Variants in FAM120A observed in about 807,000 individuals in gnomAD.
The protein encoded by FAM120A is family with sequence similarity 120 member A.
A neutral mutation model predicts 109.7 loss-of-function variants in FAM120A; 15 were observed. That is an observed-to-expected ratio of 0.14 (90% CI 0.09 to 0.21). The LOEUF is 0.21. Ranked by LOEUF, FAM120A falls within the 10% of genes least tolerant of loss-of-function variation. The pLI, the probability that FAM120A is intolerant of heterozygous loss-of-function variation, is 1.00. For synonymous variants in FAM120A, 493 were observed against 572.8 expected (o/e 0.86, Z 1.99); for missense variants, 899 against 1,439.3 (o/e 0.62, Z 6.07).
chr9:93,519,495 G>A (rs1415344484), intron 7 of FAM120A, among the ~76,000 whole-genome samples: 1 of 151,890 alleles, frequency 6.6e-6, no homozygotes. Flanking sequence ...CCCCCACCTC[G>A]GCCTCCCAAA....
rs144592144 is a variant in FAM120A at position 93,519,966 on chromosome 9, C to G, written c.1418+3697C>G. Among the ~76,000 whole-genome samples the G allele has an allele frequency of 2.6e-3, 394 of 152,184 alleles. 1 individual carries two copies. The highest frequency in any genetic ancestry group is 8.7e-3 in the African/African-American group (361 of 41,516). Reference sequence around the variant, plus strand: ...TCATAACTCACTGTAGCCTCAAACTCCTGGGCTCAGGTGATCCTCACACCT... The same window carrying G: ...TCATAACTCACTGTAGCCTCAAACTGCTGGGCTCAGGTGATCCTCACACCT... On this transcript the variant is annotated intron_variant, in intron 7 of 17. Transcript: ENST00000277165.
At chr9:93,530,259 C>T (rs1861276100) in intron 9 of FAM120A, 1 of 152,366 alleles carries the variant, frequency 6.6e-6, no homozygotes, top group African/African-American at 2.4e-5. Context: ...TAAATTTCCT[C>T]AGTGATTTGT....
intron 3 of FAM120A, 105 bp from the exon 4 acceptor site, chr9:93,497,366 G>T: frequency 7.0e-7 from 1 of 1,434,594 alleles, no homozygotes; most frequent in Non-Finnish European, 9.6e-7. Flanking sequence ...GCACTGATAA[G>T]ATCTTAGATG....
chr9:93,541,933 A>G (rs1457436392), intron 10 of FAM120A, among the ~76,000 whole-genome samples: 2 of 152,112 alleles, frequency 1.3e-5, no homozygotes, highest in African/African-American at 2.4e-5. Flanking sequence ...GGTGTTTTTC[A>G]TGACATTTTA....
At chr9:93,562,519 G>C (rs1215653562) in intron 17 of FAM120A, among the ~76,000 whole-genome samples, 1 of 152,158 alleles carries the variant, frequency 6.6e-6, no homozygotes, top group African/African-American at 2.4e-5. Context: ...TCTTCAGGTT[G>C]TCTCTCCCCT....
In FAM120A at chr9:93,484,451, A is replaced by G. The variant is rs77238362; in HGVS notation, c.804+8113A>G. Among the ~76,000 whole-genome samples the G allele has an allele frequency of 4.5e-4, 68 of 152,324 alleles. 1 individual carries two copies. In the East Asian group the frequency reaches 0.012, roughly 27 times the overall value. ...GGCCAGCAAGGGAAAGACAAGACAC[A>G]GTCTGAGTGGGATCTGAAAGATACC... is the stretch of plus-strand genomic sequence containing the variant. On this transcript the variant is annotated intron_variant, in intron 3 of 17. Transcript: ENST00000277165.
chr9:93,507,002 A>G (rs922697668), intron 5 of FAM120A, among the ~76,000 whole-genome samples: 1 of 152,172 alleles, frequency 6.6e-6, no homozygotes, highest in Non-Finnish European at 1.5e-5. Flanking sequence ...CCTTAGCATT[A>G]TCTCCTCTAC....
In FAM120A at chr9:93,529,616, T is replaced by C. The variant is rs778400250; in HGVS notation, c.1734+36T>C. On this transcript the variant is annotated intron_variant, in intron 9 of 17. Transcript: ENST00000277165. ...AGGGGCCCTGGAGTGGCTTCTGTTATTTGATGAGTGGCCATTCCTATGGGT... is the reference window on the plus strand; with the variant it reads ...AGGGGCCCTGGAGTGGCTTCTGTTACTTGATGAGTGGCCATTCCTATGGGT... The C allele has an allele frequency of 3.2e-6, 5 of 1,578,100 alleles. No individual in the cohort carries two copies. The Admixed American group carries it at 8.4e-5, about 26-fold the overall frequency.
chr9:93,479,199 T>C lies in FAM120A; in HGVS notation c.804+2861T>C, dbSNP rs911060789. Among the ~76,000 whole-genome samples, 4 of 147,280 alleles carry C rather than the reference T, an allele frequency of 2.7e-5. No individual in the cohort carries two copies. In the East Asian group the frequency reaches 6.2e-4, roughly 23 times the overall value. ...CTGCAAGCTCCGCCTCCCGGTTTCA[T>C]GCCATTCTCCTGCCTCAGCCTCCCA... On this transcript the variant is annotated intron_variant, in intron 3 of 17. Coordinates refer to ENST00000277165, the MANE Select transcript of FAM120A (RefSeq NM_014612.5).
At chr9:93,488,779 T>C (rs4743923) in intron 3 of FAM120A, among the ~76,000 whole-genome samples, 43,664 of 151,972 alleles carry the variant, frequency 0.29, 7,464 homozygotes, top group East Asian at 0.4. Flanking sequence ...TTTGATATTT[T>C]CTGAATTGCC....
intron 1 of FAM120A, among the ~76,000 whole-genome samples, chr9:93,467,566 T>G (rs1328331268): frequency 6.6e-6 from 1 of 152,056 alleles, no homozygotes; most frequent in African/African-American, 2.4e-5. Context: ...ATAGGAAAGA[T>G]GGACTGAGGC....
At chr9:93,557,121 G>A (rs1172279311) in intron 13 of FAM120A, among the ~76,000 whole-genome samples, 1 of 124,082 alleles carries the variant, frequency 8.1e-6, no homozygotes, top group Admixed American at 8.5e-5. Context: ...TTGTTTGTTT[G>A]TTTTGGTTTT....
At position 93,527,337 on chromosome 9, in the gene FAM120A, C is replaced by G. The variant is rs533317805; in HGVS notation, c.1506+95C>G. On this transcript the variant is annotated intron_variant, in intron 8 of 17. Coordinates refer to ENST00000277165, the MANE Select transcript of FAM120A (RefSeq NM_014612.5). ...AAATAGTGAAAAATAATATCTCTCT[C>G]TTTTAATCGGGTCATGTAAACCTTT... is the stretch of plus-strand genomic sequence containing the variant. The G allele has an allele frequency of 3.6e-5, 33 of 908,712 alleles. No homozygotes were observed. The East Asian group carries it at 8.4e-4, about 23-fold the overall frequency. The allele number at this position is 908,712 out of a possible 1,614,324, so 56.3% of individuals were successfully genotyped here.
At chr9:93,478,737 A>G (rs1355624590) in intron 3 of FAM120A, among the ~76,000 whole-genome samples, 1 of 152,168 alleles carries the variant, frequency 6.6e-6, no homozygotes, top group Admixed American at 6.5e-5. Flanking sequence ...TGGCCTCCCA[A>G]AGTGCTGGGA....
intron 7 of FAM120A, among the ~76,000 whole-genome samples, chr9:93,525,357 C>T (rs183801247): frequency 6.6e-6 from 1 of 152,202 alleles, no homozygotes; most frequent in East Asian, 1.9e-4. Context: ...CCTCCCCTGC[C>T]CCACCATCCT....
At chr9:93,538,113 A>G (rs1330888033) in intron 10 of FAM120A, among the ~76,000 whole-genome samples, 1 of 152,032 alleles carries the variant, frequency 6.6e-6, no homozygotes, top group African/African-American at 2.4e-5. Flanking sequence ...AATAACATAC[A>G]TGGAATGAGG....
chr9:93,514,137 T>C (rs1380117824), intron 5 of FAM120A, among the ~76,000 whole-genome samples: 1 of 152,218 alleles, frequency 6.6e-6, no homozygotes. Context: ...GCAAGGCACC[T>C]TCTTAACAAG....
At chr9:93,505,355 C>G (rs771450301) in intron 5 of FAM120A, among the ~76,000 whole-genome samples, 1 of 152,088 alleles carries the variant, frequency 6.6e-6, no homozygotes, top group Non-Finnish European at 1.5e-5. Context: ...CCACTGCGCC[C>G]GGCCTGTTCG....
intron 3 of FAM120A, among the ~76,000 whole-genome samples, chr9:93,482,814 A>G (rs1262474718): frequency 6.6e-6 from 1 of 152,140 alleles, no homozygotes; most frequent in African/African-American, 2.4e-5. Context: ...GGCTTCCCAG[A>G]TGGACACCTG....
Sources: gnomAD v4.1 joint callset for allele counts (sites outside exome capture counted in the v4.1 genomes callset) on GRCh38, gnomAD v4.1.1 for gene constraint, MANE v1.5 for transcripts, NCBI Gene and HGNC (gene_info 2026-07-23, HGNC 2026-07-21) for gene names.